ADAM23: variants seen among roughly 807,000 people sequenced by gnomAD.
ADAM23 encodes the protein disintegrin and metalloproteinase domain-containing protein 23.
In ADAM23, 33 loss-of-function variants were observed where a neutral mutation model predicts 120.1. The ratio of observed to expected loss-of-function variants is 0.27; its 90% CI spans 0.21 to 0.37. The LOEUF (loss-of-function observed/expected upper bound fraction) is 0.37, where lower values mean the gene tolerates loss of function less well. Among genes scored for constraint, ADAM23 ranks in the 10% least tolerant of loss-of-function variants. The pLI is 1.00. For synonymous variants in ADAM23, 367 were observed against 375.2 expected (o/e 0.98, Z 0.25); for missense variants, 862 against 1,058.2 (o/e 0.81, Z 2.57).
At chr2:206,496,467 C>T (rs1160332498) in intron 3 of ADAM23, among the ~76,000 whole-genome samples, 2 of 151,876 alleles carry the variant, frequency 1.3e-5, no homozygotes, top group Non-Finnish European at 1.5e-5. Flanking sequence ...AACAAAGACA[C>T]AAAAAACCAG....
At chr2:206,503,277 A>G (rs868272555) in intron 3 of ADAM23, among the ~76,000 whole-genome samples, 2 of 152,092 alleles carry the variant, frequency 1.3e-5, no homozygotes, top group South Asian at 2.1e-4. Flanking sequence ...CCCTAGGCAT[A>G]GTTACTCTCT....
intron 23 of ADAM23, among the ~76,000 whole-genome samples, chr2:206,595,475 G>A (rs1455363140): frequency 6.6e-6 from 1 of 151,930 alleles, no homozygotes; most frequent in East Asian, 2.0e-4. Flanking sequence ...AAGGACTAGG[G>A]GTGTGGGGGT....
intron 19 of ADAM23, 49 bp downstream of exon 19, chr2:206,587,424 A>G (rs1574551005): frequency 1.5e-6 from 2 of 1,364,726 alleles, no homozygotes; most frequent in East Asian, 2.4e-5. Flanking sequence ...GATTCATTGG[A>G]AAGTTTTTTT....
intron 2 of ADAM23, among the ~76,000 whole-genome samples, chr2:206,478,762 A>G (rs1162576468): frequency 6.6e-6 from 1 of 152,210 alleles, no homozygotes; most frequent in African/African-American, 2.4e-5. Flanking sequence ...AAAATTTAAA[A>G]AGCTTATTTT....
At chr2:206,493,600 C>A (rs777502547) in intron 3 of ADAM23, among the ~76,000 whole-genome samples, 1 of 152,130 alleles carries the variant, frequency 6.6e-6, no homozygotes, top group Non-Finnish European at 1.5e-5. Flanking sequence ...CTCGAACTCC[C>A]GACCTCAGGT....
At chr2:206,557,732 A>T (rs542062181) in intron 10 of ADAM23, among the ~76,000 whole-genome samples, 2 of 152,222 alleles carry the variant, frequency 1.3e-5, no homozygotes, top group African/African-American at 4.8e-5. Flanking sequence ...AGTTGCGTCT[A>T]TACATTATTG....
intron 2 of ADAM23, among the ~76,000 whole-genome samples, chr2:206,474,032 A>AC (rs1424663491): frequency 6.6e-6 from 1 of 151,598 alleles, no homozygotes; most frequent in African/African-American, 2.4e-5. Context: ...AAACAAAAAA[A>AC]AAAAACCAGA....
intron 3 of ADAM23, among the ~76,000 whole-genome samples, chr2:206,482,011 T>C (rs967214835): frequency 1.3e-5 from 2 of 152,232 alleles, no homozygotes; most frequent in Non-Finnish European, 2.9e-5. Flanking sequence ...ACAGAAATTA[T>C]AGTCAGTATT....
At chr2:206,549,051 T>C (rs1376261416) in intron 8 of ADAM23, among the ~76,000 whole-genome samples, 1 of 152,080 alleles carries the variant, frequency 6.6e-6, no homozygotes, top group East Asian at 1.9e-4. Flanking sequence ...GTGAATGCTA[T>C]GTAACTGAGA....
At chr2:206,505,571 AAG>A (rs1448207403) in intron 3 of ADAM23, among the ~76,000 whole-genome samples, 1 of 152,128 alleles carries the variant, frequency 6.6e-6, no homozygotes, top group African/African-American at 2.4e-5. Context: ...GAGTAGGAGG[AAG>A]AGAGAGAAGG....
chr2:206,542,564 C>T (rs926983288), intron 5 of ADAM23, among the ~76,000 whole-genome samples: 1 of 152,106 alleles, frequency 6.6e-6, no homozygotes, highest in African/African-American at 2.4e-5. Flanking sequence ...GAGAGGGGTT[C>T]GCACATTGAC....
intron 15 of ADAM23, 83 bp from the exon 16 acceptor site, chr2:206,570,657 G>C (rs1308760441): frequency 2.9e-6 from 3 of 1,017,044 alleles, no homozygotes; most frequent in African/African-American, 3.2e-5. Flanking sequence ...CTGATTATAC[G>C]GCCATTGTAT....
intron 2 of ADAM23, among the ~76,000 whole-genome samples, chr2:206,466,095 A>T (rs976716555): frequency 6.6e-6 from 1 of 152,234 alleles, no homozygotes; most frequent in Non-Finnish European, 1.5e-5. Context: ...GCCTAAAAGT[A>T]GTGACATGTT....
At chr2:206,465,906 T>C (rs1695533413) in intron 2 of ADAM23, among the ~76,000 whole-genome samples, 1 of 152,172 alleles carries the variant, frequency 6.6e-6, no homozygotes, top group African/African-American at 2.4e-5. Context: ...ATGAAATTGG[T>C]AAGAGATTTT....
At chr2:206,600,704 G>A (rs1052185804) in intron 24 of ADAM23, among the ~76,000 whole-genome samples, 2 of 152,060 alleles carry the variant, frequency 1.3e-5, no homozygotes, top group African/African-American at 2.4e-5. Flanking sequence ...ATACCTGAAA[G>A]CATTGCCACT....
intron 18 of ADAM23, among the ~76,000 whole-genome samples, chr2:206,586,904 A>G (rs951039079): frequency 6.6e-6 from 1 of 152,230 alleles, no homozygotes; most frequent in Non-Finnish European, 1.5e-5. Flanking sequence ...AGTAGCCTAT[A>G]GGTAAAATGT....
intron 9 of ADAM23, among the ~76,000 whole-genome samples, chr2:206,550,823 G>A (rs1697508015): frequency 6.6e-6 from 1 of 152,226 alleles, no homozygotes; most frequent in East Asian, 1.9e-4. Flanking sequence ...GGATGGTCTC[G>A]ATCTCCTGAC....
intron 3 of ADAM23, among the ~76,000 whole-genome samples, chr2:206,499,663 A>T (rs1696346857): frequency 6.6e-6 from 1 of 152,024 alleles, no homozygotes; most frequent in African/African-American, 2.4e-5. Flanking sequence ...TAAATAAAAT[A>T]AAAAAAATTT....
chr2:206,459,768 T>C (rs1301754842), intron 2 of ADAM23, among the ~76,000 whole-genome samples: 1 of 152,202 alleles, frequency 6.6e-6, no homozygotes, highest in African/African-American at 2.4e-5. Flanking sequence ...CCTTCCCATC[T>C]GGTTAAATGG....
Sources: allele counts gnomAD v4.1 joint callset (sites outside exome capture counted in the v4.1 genomes callset), GRCh38; gene constraint gnomAD v4.1.1; transcripts MANE v1.5; gene names NCBI Gene and HGNC (gene_info 2026-07-23, HGNC 2026-07-21).